Variants in BTG4 observed in about 807,000 individuals in gnomAD.
BTG4 encodes BTG anti-proliferation factor 4.
In BTG4, 10 loss-of-function variants were observed where a neutral mutation model predicts 19.3. The observed-to-expected ratio is 0.52, with a 90% CI of 0.32 to 0.88. BTG4 has a LOEUF of 0.88. Ranked by LOEUF, BTG4 falls within the 40% of genes least tolerant of loss-of-function variation. The probability of loss-of-function intolerance (pLI) is 0.04; values close to 1 mark genes in which losing one functional copy is unlikely to be tolerated. For synonymous variants in BTG4, 91 were observed against 95.7 expected (o/e 0.95, Z 0.29); for missense variants, 238 against 281.9 (o/e 0.84, Z 1.11).
downstream of BTG4, among the ~76,000 whole-genome samples, chr11:111,493,952 T>C (rs1944112): frequency 3.2e-4 from 48 of 152,232 alleles, no homozygotes; most frequent in African/African-American, 1.1e-3. Context: ...GGTCACAACT[T>C]TTTGTATCCA....
the BTG4 span, among the ~76,000 whole-genome samples, chr11:111,420,382 A>G: frequency 1.3e-5 from 2 of 152,256 alleles, no homozygotes; most frequent in Non-Finnish European, 2.9e-5. Flanking sequence ...TCCTTGGACC[A>G]GGTGGCATTC....
the BTG4 span, among the ~76,000 whole-genome samples, chr11:111,412,284 A>G: frequency 1.3e-5 from 2 of 152,212 alleles, no homozygotes. Context: ...GGTAGGACAA[A>G]TTCTATTTCA....
chr11:111,500,305 C>T (rs1194967199), intron 1 of BTG4, among the ~76,000 whole-genome samples: 4 of 152,162 alleles, frequency 2.6e-5, no homozygotes, highest in Non-Finnish European at 5.9e-5. Flanking sequence ...ACCTGACATA[C>T]GTTAAGTCTT....
chr11:111,401,053 TAAAAAAAAAAAAAAAAA>T, the BTG4 span: 4 of 82,152 alleles, frequency 4.9e-5, no homozygotes, highest in African/African-American at 1.7e-4. Context: ...ACCTGGAGCA[TAAAAAAAAAAAAAAAAA>T]AAAAAAAAAA....
chr11:111,456,012 G>C, the BTG4 span: 1 of 300,228 alleles, frequency 3.3e-6, no homozygotes, highest in South Asian at 2.7e-5. The surrounding 1 kb of genome is among the most constrained non-coding windows in gnomAD (Gnocchi z 4.2). Flanking sequence ...GGGCAAAACA[G>C]AGCGGACACC....
the BTG4 span, among the ~76,000 whole-genome samples, chr11:111,407,188 T>C: frequency 6.7e-6 from 1 of 148,320 alleles, no homozygotes; most frequent in Admixed American, 6.8e-5. Context: ...GTATATATAC[T>C]ATAGTTATAC....
chr11:111,506,585 A>T (rs4329721), intron 1 of BTG4, among the ~76,000 whole-genome samples: 4,133 of 152,184 alleles, frequency 0.027, 72 homozygotes, highest in Non-Finnish European at 0.038. Context: ...TGTAATACCC[A>T]TGTAACAAAC....
the BTG4 span, chr11:111,397,069 C>T: frequency 2.6e-5 from 4 of 152,278 alleles, no homozygotes; most frequent in South Asian, 8.3e-4. Flanking sequence ...AGATGAAGCA[C>T]ACATTTTAAT....
the BTG4 span, chr11:111,456,834 A>G: frequency 3.8e-6 from 1 of 260,614 alleles, no homozygotes; most frequent in Admixed American, 4.2e-5. The surrounding 1 kb of genome is among the most constrained non-coding windows in gnomAD (Gnocchi z 4.2). Flanking sequence ...GCTCCCAGGG[A>G]GCACAGCACA....
intron 5 of BTG4, among the ~76,000 whole-genome samples, chr11:111,478,036 T>C (rs968193982): frequency 6.6e-5 from 10 of 152,034 alleles, no homozygotes; most frequent in Non-Finnish European, 4.4e-5. Context: ...CACCTCATGG[T>C]ATCAGTAGAA....
the BTG4 span, among the ~76,000 whole-genome samples, chr11:111,430,319 G>A: frequency 0.22 from 33,963 of 152,172 alleles, 3,798 homozygotes; most frequent in South Asian, 0.29. Context: ...CAGGTTAGAA[G>A]TAGATAAAAG....
the BTG4 span, chr11:111,451,419 C>T: frequency 1.3e-4 from 61 of 452,964 alleles, no homozygotes; most frequent in South Asian, 7.3e-4. Context: ...GGTTTGTCTA[C>T]GATAATTTGC....
chr11:111,425,165 C>T, the BTG4 span, among the ~76,000 whole-genome samples: 2 of 151,996 alleles, frequency 1.3e-5, no homozygotes, highest in Admixed American at 6.6e-5. Flanking sequence ...CCAGGCAGAA[C>T]GTGTGCAAAG....
chr11:111,395,096 G>A, the BTG4 span, among the ~76,000 whole-genome samples: 1 of 152,208 alleles, frequency 6.6e-6, no homozygotes. Flanking sequence ...GAGCAGAGAG[G>A]GCAGTCCTCA....
chr11:111,456,250 G>GC, the BTG4 span, among the ~76,000 whole-genome samples: 1 of 152,114 alleles, frequency 6.6e-6, no homozygotes, highest in African/African-American at 2.4e-5. This position sits in a 1 kb window ranked among gnomAD's most constrained non-coding sequence, Gnocchi z 4.2. Flanking sequence ...GAATCCCGTA[G>GC]CCCCCCTGTA....
chr11:111,386,309 A>C, the BTG4 span: 1 of 152,362 alleles, frequency 6.6e-6, no homozygotes, highest in East Asian at 1.9e-4. Flanking sequence ...CAATGAAAAA[A>C]ACAGAAATGT....
the BTG4 span, among the ~76,000 whole-genome samples, chr11:111,444,147 A>G: frequency 6.6e-6 from 1 of 151,912 alleles, no homozygotes; most frequent in Non-Finnish European, 1.5e-5. Flanking sequence ...TGTTCCATGA[A>G]CTGAGTGTAA....
chr11:111,500,151 A>T (rs1444260491), intron 1 of BTG4, among the ~76,000 whole-genome samples: 3 of 152,044 alleles, frequency 2.0e-5, no homozygotes, highest in Admixed American at 6.5e-5. Flanking sequence ...CAAAAAATAA[A>T]AATAAAAATA....
At chr11:111,442,790 T>A in the BTG4 span, among the ~76,000 whole-genome samples, 1 of 151,838 alleles carries the variant, frequency 6.6e-6, no homozygotes, top group Admixed American at 6.5e-5. Context: ...AATGTTCACG[T>A]GAATAAATAA....
Sources: gnomAD v4.1 joint callset for allele counts (sites outside exome capture counted in the v4.1 genomes callset) on GRCh38, gnomAD v4.1.1 for gene constraint, Gnocchi (gnomAD v3.1) non-coding constraint, MANE v1.5 for transcripts, NCBI Gene and HGNC (gene_info 2026-07-23, HGNC 2026-07-21) for gene names.